Variants in ARL15 observed in about 807,000 individuals in gnomAD.
The protein encoded by ARL15 is ARF like GTPase 15, also known as ADP-ribosylation factor-like protein 15.
A neutral mutation model predicts 25.2 loss-of-function variants in ARL15; 19 were observed. The observed-to-expected ratio is 0.75, with a 90% CI of 0.53 to 1.10. ARL15 has a LOEUF of 1.10. ARL15 is among the 50% of genes least tolerant of loss of function. ARL15 has a pLI of 0.00. For missense variants in ARL15, 220 were observed against 246.0 expected (o/e 0.89, Z 0.71); for synonymous variants, 94 against 86.8 (o/e 1.08, Z -0.46).
chr5:54,161,142 G>T (rs140180379), intron 2 of ARL15, among the ~76,000 whole-genome samples: 31 of 152,022 alleles, frequency 2.0e-4, no homozygotes, highest in African/African-American at 7.0e-4. Context: ...TAATCATTTT[G>T]ATCAAGTTAC....
At chr5:53,948,068 A>C (rs939777686) in intron 4 of ARL15, among the ~76,000 whole-genome samples, 1 of 152,242 alleles carries the variant, frequency 6.6e-6, no homozygotes, top group Non-Finnish European at 1.5e-5. Flanking sequence ...CTGTAGAACT[A>C]ATAAACAAAT....
chr5:54,076,084 C>A (rs1051377185), intron 4 of ARL15, among the ~76,000 whole-genome samples: 1 of 152,062 alleles, frequency 6.6e-6, no homozygotes, highest in Non-Finnish European at 1.5e-5. Flanking sequence ...GAGTACCCAG[C>A]ACAATGCTTG....
At chr5:54,016,185 C>T (rs1749421108) in intron 4 of ARL15, among the ~76,000 whole-genome samples, 1 of 152,140 alleles carries the variant, frequency 6.6e-6, no homozygotes, top group African/African-American at 2.4e-5. Context: ...GGTTGTTGAA[C>T]ATTCAGAGGG....
In ARL15 at chr5:53,892,601, C is replaced by CTT. The variant is rs70986647; in HGVS notation, c.463-5890_463-5889dup. Reference sequence around the variant, plus strand: ...TGTTATTTATTTATTATTACTGTTACTTTTTTTTTTTTTTTTAAAGAAATA... The same window carrying CTT: ...TGTTATTTATTTATTATTACTGTTACTTTTTTTTTTTTTTTTTTAAAGAAATA... On this transcript the variant is annotated intron_variant, in intron 4 of 4. Transcript: ENST00000504924. 2.1e-3 allele frequency among the ~76,000 whole-genome samples: 295 copies of CTT among 141,208 alleles called. 2 individuals are homozygous for CTT. The highest frequency in any genetic ancestry group is 5.8e-3 in the East Asian group (28 of 4,838). The allele number at this position is 141,208 out of a possible 152,430, so 92.6% of individuals were successfully genotyped here.
At chr5:54,282,165 C>G in intron 1 of ARL15, 2 of 741,500 alleles carry the variant, frequency 2.7e-6, no homozygotes, top group Non-Finnish European at 3.3e-6. Flanking sequence ...ATTTATACCC[C>G]CATCAGCAGT....
intron 4 of ARL15, among the ~76,000 whole-genome samples, chr5:54,102,019 GTT>G (rs11437215): frequency 6.8e-6 from 1 of 146,634 alleles, no homozygotes. Context: ...TTTTTGTTTT[GTT>G]TTTTTTTTTG....
chr5:53,982,952 CAT>C (rs1388711951), intron 4 of ARL15, among the ~76,000 whole-genome samples: 6 of 152,090 alleles, frequency 3.9e-5, no homozygotes, highest in Admixed American at 2.6e-4. Context: ...ATGACTTTTT[CAT>C]ATGTTTGTTG....
chr5:54,082,325 G>T (rs1203118039), intron 4 of ARL15, among the ~76,000 whole-genome samples: 1 of 152,148 alleles, frequency 6.6e-6, no homozygotes, highest in African/African-American at 2.4e-5. Context: ...CAGCATGAAA[G>T]TTCTAAAATA....
At chr5:53,977,855 C>A (rs552851960) in intron 4 of ARL15, among the ~76,000 whole-genome samples, 1 of 149,936 alleles carries the variant, frequency 6.7e-6, no homozygotes, top group Non-Finnish European at 1.5e-5. Context: ...CCTCTGCCCC[C>A]CCGCCCCAAC....
chr5:54,086,302 T>C (rs867780193), intron 4 of ARL15, among the ~76,000 whole-genome samples: 1 of 152,204 alleles, frequency 6.6e-6, no homozygotes, highest in Non-Finnish European at 1.5e-5. Context: ...TTGGAAGTTA[T>C]AGGCTTTTTT....
intron 4 of ARL15, among the ~76,000 whole-genome samples, chr5:53,921,137 C>T (rs969498310): frequency 6.6e-6 from 1 of 152,134 alleles, no homozygotes; most frequent in Non-Finnish European, 1.5e-5. Flanking sequence ...AATACAGAAA[C>T]ATTTCATCAC....
intron 3 of ARL15, among the ~76,000 whole-genome samples, chr5:54,131,653 A>C (rs1753441372): frequency 6.6e-6 from 1 of 152,212 alleles, no homozygotes; most frequent in Admixed American, 6.5e-5. Flanking sequence ...TGATTGCTTA[A>C]TTCAAGTAAA....
chr5:53,961,481 G>A (rs1747368699), intron 4 of ARL15, among the ~76,000 whole-genome samples: 2 of 113,392 alleles, frequency 1.8e-5, no homozygotes, highest in Non-Finnish European at 3.3e-5. Flanking sequence ...CTGGGTGACA[G>A]AGAGACTCTG....
At chr5:53,895,329 T>C (rs531882534) in intron 4 of ARL15, among the ~76,000 whole-genome samples, 1 of 152,348 alleles carries the variant, frequency 6.6e-6, no homozygotes, top group South Asian at 2.1e-4. Flanking sequence ...CTTTGAACTG[T>C]AGTCAAGCAG....
chr5:53,908,469 A>G (rs1745344285), intron 4 of ARL15, among the ~76,000 whole-genome samples: 1 of 152,214 alleles, frequency 6.6e-6, no homozygotes, highest in Non-Finnish European at 1.5e-5. Flanking sequence ...TAATTTAAAT[A>G]TATAGGAGGA....
intron 1 of ARL15, among the ~76,000 whole-genome samples, chr5:54,187,381 C>A (rs913666934): frequency 1.8e-4 from 28 of 152,196 alleles, no homozygotes; most frequent in African/African-American, 6.8e-4. Flanking sequence ...TTCTCCTAAG[C>A]AGGGCAGCCA....
intron 4 of ARL15, among the ~76,000 whole-genome samples, chr5:53,966,787 T>C (rs1471577639): frequency 2.6e-5 from 4 of 152,164 alleles, no homozygotes; most frequent in African/African-American, 9.7e-5. Context: ...TATTTGACAA[T>C]CTATTTTAAA....
chr5:54,257,301 A>G (rs953602647), intron 1 of ARL15, among the ~76,000 whole-genome samples: 1 of 152,222 alleles, frequency 6.6e-6, no homozygotes, highest in Non-Finnish European at 1.5e-5. Flanking sequence ...AAAATAAAAT[A>G]CCTAGAAATA....
At chr5:54,018,832 T>C (rs913747170) in intron 4 of ARL15, among the ~76,000 whole-genome samples, 60 of 152,278 alleles carry the variant, frequency 3.9e-4, no homozygotes, top group Admixed American at 3.7e-3. Context: ...GTAACAAACA[T>C]GTAAGAAAGT....
Sources: gnomAD v4.1 joint callset for allele counts (sites outside exome capture counted in the v4.1 genomes callset) on GRCh38, gnomAD v4.1.1 for gene constraint, MANE v1.5 for transcripts, NCBI Gene and HGNC (gene_info 2026-07-23, HGNC 2026-07-21) for gene names.